The following AK5 variants were observed in gnomAD, a reference collection of about 807,000 sequenced individuals.
AK5 encodes the protein adenylate kinase isoenzyme 5.
Under a neutral mutation model 69.5 loss-of-function variants are expected in AK5, and 27 were observed. That is an observed-to-expected ratio of 0.39 (90% CI 0.29 to 0.54). AK5 has a LOEUF of 0.54. Among genes scored for constraint, AK5 ranks in the 20% least tolerant of loss-of-function variants. The pLI is 0.71. For synonymous variants in AK5, 260 were observed against 244.4 expected, an observed-to-expected ratio of 1.06 and a Z score of -0.60; for missense variants, 531 against 700.4, an observed-to-expected ratio of 0.76 and a Z score of 2.73.
chr1:77,327,390 CAAAA>C (rs4033041), intron 5 of AK5, among the ~76,000 whole-genome samples: 4 of 128,938 alleles, frequency 3.1e-5, no homozygotes, highest in African/African-American at 2.9e-5. Flanking sequence ...GATCCTGTCT[CAAAA>C]AAAAAAAAAA....
At chr1:77,483,460 TC>T in intron 9 of AK5, 101 bp downstream of exon 9, 1 of 956,962 alleles carries the variant, frequency 1.0e-6, no homozygotes, top group Non-Finnish European at 1.7e-6. Flanking sequence ...ATTAACAGCA[TC>T]ACTTTTTCCT....
chr1:77,500,707 A>G (rs565609220), intron 10 of AK5, among the ~76,000 whole-genome samples: 8 of 152,208 alleles, frequency 5.3e-5, no homozygotes, highest in African/African-American at 1.7e-4. Flanking sequence ...TCTTGAACCT[A>G]GGAGGCAGAG....
At chr1:77,391,061 G>A (rs1427575028) in intron 6 of AK5, among the ~76,000 whole-genome samples, 1 of 152,120 alleles carries the variant, frequency 6.6e-6, no homozygotes, top group Non-Finnish European at 1.5e-5. Flanking sequence ...CTCTGACAAG[G>A]TCTGTTGAGG....
In AK5 at chr1:77,559,633, G is replaced by GTGTT. The variant is rs1660334661; in HGVS notation, c.*969_*972dup. The stretch of plus-strand genomic sequence containing the variant: ...CATGTCAGTAAGTGGTGTGTTCAAT[G>GTGTT]TGTTTGTTTCATATGGGCCCTTTCC... On this transcript the variant is annotated 3_prime_UTR_variant, in exon 14 of 14. Coordinates refer to ENST00000354567, the MANE Select transcript of AK5 (RefSeq NM_174858.3). 2 of 152,288 alleles carry GTGTT rather than the reference G, an allele frequency of 1.3e-5. No individual in the cohort carries two copies. The highest frequency in any genetic ancestry group is 2.9e-5 in the Non-Finnish European group (2 of 68,032). The allele number at this position is 152,288 out of a possible 1,614,324, so 9.4% of individuals were successfully genotyped here. A position where few individuals can be genotyped will look rare whatever the true frequency, so the allele number is the denominator to read the frequency against.
intron 6 of AK5, among the ~76,000 whole-genome samples, chr1:77,352,467 G>A (rs776675830): frequency 6.6e-6 from 1 of 152,160 alleles, no homozygotes; most frequent in Non-Finnish European, 1.5e-5. Flanking sequence ...TATGTTAGAG[G>A]ATCCCTCAGT....
In AK5 at chr1:77,408,478, G is replaced by A. The variant is rs575215918; in HGVS notation, c.892-2503G>A. Among the ~76,000 whole-genome samples, 12 of 152,074 alleles carry A rather than the reference G, an allele frequency of 7.9e-5. No individual in the cohort carries two copies. The South Asian group carries it at 2.3e-3, about 29-fold the overall frequency. Reference sequence around the variant, plus strand: ...TGCCCACTTTTTAATAGGGTTATTTGTTTTTTGCTTGTTGAATTGTTTAAG... The same window carrying A: ...TGCCCACTTTTTAATAGGGTTATTTATTTTTTGCTTGTTGAATTGTTTAAG... On this transcript the variant is annotated intron_variant, in intron 6 of 13. Transcript: ENST00000354567.
intron 5 of AK5, among the ~76,000 whole-genome samples, chr1:77,330,560 G>T (rs938905442): frequency 3.9e-5 from 6 of 152,118 alleles, no homozygotes; most frequent in African/African-American, 1.4e-4. Flanking sequence ...ATATATTTGG[G>T]CAGTGAATCT....
At chr1:77,367,804 A>ATT (rs1553139979) in intron 6 of AK5, among the ~76,000 whole-genome samples, 2,207 of 15,670 alleles carry the variant, frequency 0.14, 849 homozygotes, top group Middle Eastern at 0.21. Context: ...TGTTATATAT[A>ATT]ATATATGTTA....
At chr1:77,476,524 T>C (rs375585487) in intron 8 of AK5, among the ~76,000 whole-genome samples, 1 of 152,206 alleles carries the variant, frequency 6.6e-6, no homozygotes, top group Admixed American at 6.5e-5. Context: ...AGCTCCACTT[T>C]TAGCAAATGA....
intron 8 of AK5, among the ~76,000 whole-genome samples, chr1:77,475,446 ATATATATACAAATATATAT>A (rs1557620204): frequency 0.24 from 3,884 of 16,500 alleles, 368 homozygotes; most frequent in East Asian, 0.55. Context: ...TATATATATT[ATATATATACAAATATATAT>A]TATATATGTA....
chr1:77,527,816 T>C (rs1424474241), intron 12 of AK5, among the ~76,000 whole-genome samples: 1 of 152,170 alleles, frequency 6.6e-6, no homozygotes, highest in Non-Finnish European at 1.5e-5. Flanking sequence ...TCCCAGCACT[T>C]TGGGAGGCCG....
At chr1:77,325,466 C>T (rs1660753366) in intron 5 of AK5, among the ~76,000 whole-genome samples, 2 of 152,122 alleles carry the variant, frequency 1.3e-5, no homozygotes, top group African/African-American at 4.8e-5. Context: ...TCCTTATTTT[C>T]TTCCTCTCCC....
chr1:77,377,577 T>G (rs1292626089), intron 6 of AK5, among the ~76,000 whole-genome samples: 1 of 152,198 alleles, frequency 6.6e-6, no homozygotes, highest in Non-Finnish European at 1.5e-5. Context: ...CCAACCAATA[T>G]CCACATGCTT....
chr1:77,466,361 T>C (rs2100686305), intron 8 of AK5, among the ~76,000 whole-genome samples: 1 of 152,320 alleles, frequency 6.6e-6, no homozygotes, highest in East Asian at 1.9e-4. Context: ...TACACCCATG[T>C]TCAACATACA....
chr1:77,357,256 G>A (rs1421315116), intron 6 of AK5, among the ~76,000 whole-genome samples: 1 of 151,220 alleles, frequency 6.6e-6, no homozygotes, highest in Non-Finnish European at 1.5e-5. Context: ...TGATCCAAGG[G>A]CTGACTTTGA....
rs1661596144 is a variant in AK5 at position 77,340,483 on chromosome 1, A to G, written c.806A>G (p.Lys269Arg). The change falls in exon 6 of 14, where the codon AAA (lysine) becomes AGA (arginine). Residue 269 changes from lysine to arginine, a missense_variant. Coordinates refer to ENST00000354567, the MANE Select transcript of AK5 (RefSeq NM_174858.3). ...CAGGGCCGACCAGACGACAATGTAA[A>G]AGCTACCCAAAGGAGACTAATGAAC... The part of the protein sequence containing the change: ...EQQGRPDDNV[K>R]ATQRRLMNFK... The G allele has an allele frequency of 6.2e-7, 1 of 1,614,018 alleles. No homozygotes were observed. Among genetic ancestry groups the G allele is most frequent in the Non-Finnish European group, 8.5e-7 (1 of 1,180,010 alleles).
chr1:77,412,779 A>G (rs1355551918), intron 7 of AK5, among the ~76,000 whole-genome samples: 1 of 151,876 alleles, frequency 6.6e-6, no homozygotes, highest in Non-Finnish European at 1.5e-5. Context: ...CAGCTCCCAT[A>G]TCGCCTCCTA....
chr1:77,437,953 C>T (rs1285220138), intron 8 of AK5, among the ~76,000 whole-genome samples: 1 of 152,088 alleles, frequency 6.6e-6, no homozygotes, highest in African/African-American at 2.4e-5. Flanking sequence ...CTTAGACTAT[C>T]TAGCTTTTAA....
At chr1:77,541,489 G>A (rs552274613) in intron 13 of AK5, among the ~76,000 whole-genome samples, 1 of 152,326 alleles carries the variant, frequency 6.6e-6, no homozygotes, top group East Asian at 1.9e-4. Context: ...ATTGTGGGGC[G>A]TTTTCACCAC....
Sources: allele counts gnomAD v4.1 joint callset (sites outside exome capture counted in the v4.1 genomes callset), GRCh38; gene constraint gnomAD v4.1.1; transcripts MANE v1.5; gene names NCBI Gene and HGNC (gene_info 2026-07-23, HGNC 2026-07-21).